The following USH2A variants were observed in gnomAD, a reference collection of about 807,000 sequenced individuals.
USH2A encodes usherin.
In USH2A, 443 loss-of-function variants were observed where a neutral mutation model predicts 538.9. The ratio of observed to expected loss-of-function variants is 0.82; its 90% CI spans 0.76 to 0.89. The LOEUF is 0.89. Among genes scored for constraint, USH2A ranks in the 40% least tolerant of loss-of-function variants. The pLI, the probability that USH2A is intolerant of heterozygous loss-of-function variation, is 0.00. For synonymous variants in USH2A, 2,413 were observed against 2,273.5 expected (o/e 1.06, Z -1.75); for missense variants, 6,633 against 6,324.8 (o/e 1.05, Z -1.65).
intron 4 of USH2A, among the ~76,000 whole-genome samples, chr1:216,337,484 T>G (rs1332073159): frequency 6.6e-6 from 1 of 151,422 alleles, no homozygotes; most frequent in African/African-American, 2.4e-5. Flanking sequence ...TGCCATGTCT[T>G]GAAAAATACA....
intron 30 of USH2A, among the ~76,000 whole-genome samples, chr1:216,054,087 A>ACTGCTTTCCTTAT (rs1287322006): frequency 5.3e-5 from 8 of 152,138 alleles, no homozygotes; most frequent in Admixed American, 3.3e-4. Context: ...ATAGCCTTTT[A>ACTGCTTTCCTTAT]CTGCTTTCCT....
intron 3 of USH2A, among the ~76,000 whole-genome samples, chr1:216,399,111 C>T (rs2039264982): frequency 6.6e-6 from 1 of 152,174 alleles, no homozygotes; most frequent in Non-Finnish European, 1.5e-5. Flanking sequence ...CAAGGCAGGA[C>T]TAGTCAGCAC....
chr1:216,289,520 G>T (rs572757331), intron 10 of USH2A, 110 bp from the exon 11 acceptor site: 4 of 1,481,864 alleles, frequency 2.7e-6, no homozygotes, highest in Non-Finnish European at 3.7e-6. Context: ...TTTTCGGAAC[G>T]TCCGTTTTAA....
At chr1:216,170,227 A>G (rs2034250055) in intron 21 of USH2A, among the ~76,000 whole-genome samples, 1 of 152,168 alleles carries the variant, frequency 6.6e-6, no homozygotes, top group African/African-American at 2.4e-5. Flanking sequence ...ATATGCTCTT[A>G]AACATATTGA....
intron 61 of USH2A, among the ~76,000 whole-genome samples, chr1:215,690,315 G>C (rs1451812636): frequency 1.3e-5 from 2 of 152,084 alleles, no homozygotes; most frequent in African/African-American, 4.8e-5. Flanking sequence ...GCCATCCTTG[G>C]CTTCTTGAAT....
chr1:216,409,542 G>A (rs73102519), intron 3 of USH2A, among the ~76,000 whole-genome samples: 11,460 of 151,800 alleles, frequency 0.075, 1,136 homozygotes, highest in African/African-American at 0.23. Context: ...CACATAGACC[G>A]AAGAAAAAGA....
chr1:216,223,757 C>T (rs1056095239), intron 14 of USH2A, among the ~76,000 whole-genome samples: 2 of 152,128 alleles, frequency 1.3e-5, no homozygotes, highest in African/African-American at 4.8e-5. Flanking sequence ...CTAATTTTTC[C>T]ATTATCACAC....
chr1:216,228,503 CT>C (rs1160705768), intron 14 of USH2A, among the ~76,000 whole-genome samples: 1 of 152,038 alleles, frequency 6.6e-6, no homozygotes, highest in Admixed American at 6.6e-5. Flanking sequence ...GGGGTAGGGT[CT>C]TTCCCCTGCT....
intron 3 of USH2A, among the ~76,000 whole-genome samples, chr1:216,382,164 C>A (rs546347142): frequency 6.6e-6 from 1 of 152,250 alleles, no homozygotes; most frequent in Non-Finnish European, 1.5e-5. Context: ...AGGTAAAATT[C>A]TTGATCTAAA....
chr1:215,829,235 T>C (rs1383648697), intron 47 of USH2A, among the ~76,000 whole-genome samples: 2 of 152,312 alleles, frequency 1.3e-5, no homozygotes, highest in Admixed American at 1.3e-4. Context: ...GATTCTTCTA[T>C]ATTATTTGTG....
At chr1:216,195,879 A>G (rs1343701013) in intron 19 of USH2A, 3 of 167,256 alleles carry the variant, frequency 1.8e-5, no homozygotes, top group African/African-American at 7.2e-5. Flanking sequence ...TATCAGCCAC[A>G]ACTGTAAACT....
At chr1:215,997,524 A>G (rs1668168792) in intron 34 of USH2A, among the ~76,000 whole-genome samples, 1 of 152,092 alleles carries the variant, frequency 6.6e-6, no homozygotes, top group Non-Finnish European at 1.5e-5. Context: ...ATTAATACTC[A>G]GGGCAGAGGA....
intron 44 of USH2A, among the ~76,000 whole-genome samples, chr1:215,848,389 G>A (rs903625037): frequency 1.3e-5 from 2 of 152,120 alleles, no homozygotes; most frequent in Non-Finnish European, 2.9e-5. Context: ...ATTTCACTTG[G>A]GTTATTAAAT....
intron 26 of USH2A, among the ~76,000 whole-genome samples, chr1:216,080,301 T>C (rs951282596): frequency 6.6e-6 from 1 of 152,096 alleles, no homozygotes; most frequent in Non-Finnish European, 1.5e-5. Context: ...AATGATCTCC[T>C]TAAAGAAGCT....
intron 29 of USH2A, 165 bp downstream of exon 29, chr1:216,072,724 C>G (rs2031596412): frequency 4.3e-6 from 3 of 689,928 alleles, no homozygotes; most frequent in South Asian, 1.6e-5. Flanking sequence ...CACTGATCTA[C>G]TAAGCATTTT....
intron 44 of USH2A, among the ~76,000 whole-genome samples, chr1:215,855,051 T>C (rs925449947): frequency 6.6e-6 from 1 of 152,202 alleles, no homozygotes; most frequent in African/African-American, 2.4e-5. Flanking sequence ...GAAAACCTTA[T>C]TGAGGACTCT....
chr1:215,998,593 A>C (rs1047458455), intron 34 of USH2A, among the ~76,000 whole-genome samples: 4 of 152,118 alleles, frequency 2.6e-5, no homozygotes, highest in Admixed American at 6.6e-5. Context: ...AGTTCTTAAC[A>C]ATTATGATGT....
intron 21 of USH2A, among the ~76,000 whole-genome samples, chr1:216,137,068 A>G (rs185348878): frequency 3.8e-4 from 58 of 152,332 alleles, no homozygotes; most frequent in African/African-American, 1.3e-3. Context: ...TGGAAAGAGT[A>G]GAAAACTAGA....
At chr1:215,819,652 A>T (rs1662956884) in intron 47 of USH2A, among the ~76,000 whole-genome samples, 1 of 151,794 alleles carries the variant, frequency 6.6e-6, no homozygotes, top group Non-Finnish European at 1.5e-5. Flanking sequence ...GACATTCAAG[A>T]GTTTGACTTA....
Sources: gnomAD v4.1 joint callset for allele counts (sites outside exome capture counted in the v4.1 genomes callset) on GRCh38, gnomAD v4.1.1 for gene constraint, MANE v1.5 for transcripts, NCBI Gene and HGNC (gene_info 2026-07-23, HGNC 2026-07-21) for gene names.